DPY19L1: variants seen among roughly 807,000 people sequenced by gnomAD.
DPY19L1 encodes dpy-19 like C-mannosyltransferase 1.
DPY19L1 carries 35 observed loss-of-function variants against 96.9 expected under a neutral mutation model. The ratio of observed to expected loss-of-function variants is 0.36; its 90% CI spans 0.28 to 0.48. The LOEUF is 0.48. Ranked by LOEUF, DPY19L1 falls within the 20% of genes least tolerant of loss-of-function variation. The pLI is 0.99. For synonymous variants in DPY19L1, 205 were observed against 252.6 expected, an observed-to-expected ratio of 0.81 and a Z score of 1.79; for missense variants, 521 against 777.9, an observed-to-expected ratio of 0.67 and a Z score of 3.93.
chr7:34,932,227 G>C (rs1783767503), intron 21 of DPY19L1, among the ~76,000 whole-genome samples: 1 of 152,156 alleles, frequency 6.6e-6, no homozygotes, highest in South Asian at 2.1e-4. Context: ...TGCATTAATT[G>C]TATAGATGCT....
chr7:34,950,795 C>T (rs969457553), intron 13 of DPY19L1, among the ~76,000 whole-genome samples: 1 of 151,852 alleles, frequency 6.6e-6, no homozygotes, highest in Non-Finnish European at 1.5e-5. Flanking sequence ...GAAAACAAAT[C>T]CCAAACAAAA....
intron 4 of DPY19L1, among the ~76,000 whole-genome samples, chr7:35,012,007 G>A (rs186254400): frequency 3.3e-5 from 5 of 152,210 alleles, no homozygotes; most frequent in African/African-American, 1.2e-4. Context: ...AGCCACCCCA[G>A]ATTCCCTCTT....
chr7:35,022,896 AGGTCCC>A (rs1440732143), intron 1 of DPY19L1, among the ~76,000 whole-genome samples: 1 of 152,168 alleles, frequency 6.6e-6, no homozygotes, highest in Non-Finnish European at 1.5e-5. Flanking sequence ...CACGGGTCCC[AGGTCCC>A]GGTCCCGGAC....
intron 10 of DPY19L1, among the ~76,000 whole-genome samples, chr7:34,959,103 A>G (rs576462230): frequency 1.3e-5 from 2 of 152,330 alleles, no homozygotes; most frequent in African/African-American, 4.8e-5. Flanking sequence ...GCCAACAAAC[A>G]TATGAAAAAA....
intron 8 of DPY19L1, among the ~76,000 whole-genome samples, chr7:34,972,021 T>A (rs1784734362): frequency 6.6e-6 from 1 of 152,154 alleles, no homozygotes; most frequent in Non-Finnish European, 1.5e-5. Flanking sequence ...GAAGAGAGGC[T>A]GAAGAGAAGG....
intron 1 of DPY19L1, among the ~76,000 whole-genome samples, chr7:35,031,170 T>C (rs181891797): frequency 6.6e-6 from 1 of 152,334 alleles, no homozygotes; most frequent in African/African-American, 2.4e-5. Flanking sequence ...CCTCCATATC[T>C]GTCAGTTCCA....
intron 16 of DPY19L1, among the ~76,000 whole-genome samples, chr7:34,945,063 T>C (rs1784113751): frequency 6.6e-6 from 1 of 152,122 alleles, no homozygotes; most frequent in Non-Finnish European, 1.5e-5. Flanking sequence ...ATATAAACTG[T>C]TGAACAAAAA....
chr7:34,988,599 TTA>T (rs910684959), intron 7 of DPY19L1, among the ~76,000 whole-genome samples: 16 of 152,072 alleles, frequency 1.1e-4, no homozygotes, highest in Non-Finnish European at 2.1e-4. Flanking sequence ...TGACTCTGCA[TTA>T]TGTTTGGAGA....
At chr7:35,018,533 G>A (rs372250990) in intron 2 of DPY19L1, 39 bp downstream of exon 2, 12 of 1,574,400 alleles carry the variant, frequency 7.6e-6, no homozygotes, top group Middle Eastern at 1.7e-4. Context: ...AGTTATAAAC[G>A]TCTGCATAAA....
At chr7:34,958,646 T>A (rs1784428018) in intron 10 of DPY19L1, among the ~76,000 whole-genome samples, 1 of 152,220 alleles carries the variant, frequency 6.6e-6, no homozygotes, top group African/African-American at 2.4e-5. Context: ...TATACACATT[T>A]TTAAATTCAA....
chr7:35,008,853 T>C (rs367677291), intron 6 of DPY19L1, among the ~76,000 whole-genome samples: 6 of 151,886 alleles, frequency 4.0e-5, no homozygotes, highest in Non-Finnish European at 8.8e-5. Flanking sequence ...GCAAAATGAA[T>C]AGACACCACC....
At chr7:34,951,966 T>A (rs1784275278) in intron 13 of DPY19L1, among the ~76,000 whole-genome samples, 2 of 150,750 alleles carry the variant, frequency 1.3e-5, no homozygotes, top group Admixed American at 1.3e-4. Context: ...ATAGAAAACT[T>A]GAATAGAACA....
chr7:35,028,730 A>G (rs1372230395), intron 1 of DPY19L1, among the ~76,000 whole-genome samples: 1 of 152,212 alleles, frequency 6.6e-6, no homozygotes. Context: ...GGATACTTAT[A>G]GTATTCTCAT....
At chr7:34,969,885 CA>C (rs1243321810) in intron 8 of DPY19L1, among the ~76,000 whole-genome samples, 1 of 152,106 alleles carries the variant, frequency 6.6e-6, no homozygotes, top group Non-Finnish European at 1.5e-5. Context: ...AAGATGATAG[CA>C]GCATATTCTA....
At chr7:35,001,550 T>A (rs1785426832) in intron 6 of DPY19L1, among the ~76,000 whole-genome samples, 1 of 152,186 alleles carries the variant, frequency 6.6e-6, no homozygotes, top group Admixed American at 6.5e-5. Flanking sequence ...TCAGTTAACC[T>A]AATAAAACAC....
At chr7:34,972,283 A>G (rs1784740099) in intron 8 of DPY19L1, among the ~76,000 whole-genome samples, 1 of 152,212 alleles carries the variant, frequency 6.6e-6, no homozygotes, top group South Asian at 2.1e-4. Context: ...CCAAGATAGT[A>G]GATCCCAGTT....
chr7:34,997,253 G>C (rs1785307542), intron 6 of DPY19L1, among the ~76,000 whole-genome samples: 1 of 151,454 alleles, frequency 6.6e-6, no homozygotes, highest in Non-Finnish European at 1.5e-5. Flanking sequence ...TAGACCAAAT[G>C]GGTTTGATTA....
At chr7:35,036,851 T>C (rs1351907167) in intron 1 of DPY19L1, among the ~76,000 whole-genome samples, 3 of 151,676 alleles carry the variant, frequency 2.0e-5, no homozygotes, top group Admixed American at 1.3e-4. Context: ...GCCATTCTTT[T>C]AAAGCCCAGG....
At chr7:35,037,525 C>T (rs1786462401), upstream of DPY19L1, 1 of 315,370 alleles carries the variant, frequency 3.2e-6, no homozygotes, top group East Asian at 4.7e-5. Flanking sequence ...GGGCTCGTCC[C>T]TCCCCGCGGG....
Sources: allele counts gnomAD v4.1 joint callset (sites outside exome capture counted in the v4.1 genomes callset), GRCh38; gene constraint gnomAD v4.1.1; transcripts MANE v1.5; gene names NCBI Gene and HGNC (gene_info 2026-07-23, HGNC 2026-07-21).